The following FBN2 variants were observed in gnomAD, a reference collection of about 807,000 sequenced individuals.
FBN2 encodes the protein fibrillin-2.
FBN2 carries 105 observed loss-of-function variants against 355.6 expected under a neutral mutation model. The ratio of observed to expected loss-of-function variants is 0.30; its 90% CI spans 0.25 to 0.35. The LOEUF is 0.35. Among genes scored for constraint, FBN2 ranks in the 10% least tolerant of loss-of-function variants. The pLI, the probability that FBN2 is intolerant of heterozygous loss-of-function variation, is 1.00. For synonymous variants in FBN2, 1,350 were observed against 1,301.2 expected, an observed-to-expected ratio of 1.04 and a Z score of -0.81; for missense variants, 3,280 against 3,758.7, an observed-to-expected ratio of 0.87 and a Z score of 3.33.
intron 5 of FBN2, among the ~76,000 whole-genome samples, chr5:128,475,338 A>C (rs1754981327): frequency 6.6e-6 from 1 of 152,164 alleles, no homozygotes; most frequent in Non-Finnish European, 1.5e-5. Context: ...TCACAGACAA[A>C]AATTAAAAGA....
At chr5:128,401,088 A>G (rs141773782) in intron 8 of FBN2, among the ~76,000 whole-genome samples, 1,883 of 152,284 alleles carry the variant, frequency 0.012, 12 homozygotes, top group Non-Finnish European at 0.02. Context: ...GTGGAACTGT[A>G]AGTCCAATTA....
intron 5 of FBN2, 116 bp downstream of exon 5, chr5:128,519,157 A>G: frequency 3.9e-6 from 3 of 775,406 alleles, no homozygotes; most frequent in Non-Finnish European, 6.7e-6. Flanking sequence ...AGACATAATC[A>G]AAGAAGAGTA....
chr5:128,270,515 C>T (rs1273825368), intron 62 of FBN2, among the ~76,000 whole-genome samples: 2 of 152,110 alleles, frequency 1.3e-5, no homozygotes, highest in Non-Finnish European at 2.9e-5. Context: ...GGCAACAGGG[C>T]GAGAGTCCGT....
At chr5:128,423,002 G>C (rs1455364758) in intron 7 of FBN2, among the ~76,000 whole-genome samples, 1 of 152,126 alleles carries the variant, frequency 6.6e-6, no homozygotes, top group East Asian at 1.9e-4. Context: ...AAACTAGTTG[G>C]ACTCCTTCTC....
At chr5:128,512,183 G>GTC (rs1321266486) in intron 5 of FBN2, among the ~76,000 whole-genome samples, 2 of 152,140 alleles carry the variant, frequency 1.3e-5, no homozygotes, top group Non-Finnish European at 2.9e-5. Flanking sequence ...TCCTGAAACA[G>GTC]TCTCTCTCTC....
At position 128,330,557 on chromosome 5, in the gene FBN2, C is replaced by A. The variant is rs2126888914; in HGVS notation, c.4345+16G>T. On this transcript the variant is annotated intron_variant, in intron 33 of 64. Transcript: ENST00000262464. ...ATGACCATCCCGTCAGAGCACACCT[C>A]AGGACTGTCACCCACCTGAGCAGGT... is the stretch of plus-strand genomic sequence containing the variant. 1.2e-6 allele frequency: 2 copies of A among 1,613,970 alleles called. No homozygotes were observed. Among genetic ancestry groups the A allele is most frequent in the East Asian group, 4.5e-5 (2 of 44,880 alleles).
intron 23 of FBN2, among the ~76,000 whole-genome samples, chr5:128,346,421 T>C (rs1751183513): frequency 6.6e-6 from 1 of 152,206 alleles, no homozygotes; most frequent in Non-Finnish European, 1.5e-5. Flanking sequence ...GATAAGAACA[T>C]TTTAAGACAT....
intron 11 of FBN2, among the ~76,000 whole-genome samples, chr5:128,390,500 GA>G (rs1293797408): frequency 6.6e-6 from 1 of 152,060 alleles, no homozygotes; most frequent in Non-Finnish European, 1.5e-5. Context: ...CAGGGTATTT[GA>G]AAAAGACATT....
At position 128,364,779 on chromosome 5, in the gene FBN2, G is replaced by A. The variant is rs975300470; in HGVS notation, c.2303-54C>T. The A allele has an allele frequency of 1.2e-5, 18 of 1,477,012 alleles. No homozygotes were observed. The South Asian group carries it at 1.7e-4, about 14-fold the overall frequency. 91.5% of individuals were successfully genotyped at this position (1,477,012 alleles called of 1,614,324 possible). The stretch of plus-strand genomic sequence containing the variant: ...ATCAACAAACATGTTATTGTTTGTT[G>A]ATAAATGCAGGTCTAGTAAAGACCA... On this transcript the variant is annotated intron_variant, in intron 17 of 64. Transcript: ENST00000262464.
intron 11 of FBN2, among the ~76,000 whole-genome samples, chr5:128,382,716 T>C (rs1003124637): frequency 2.6e-5 from 4 of 152,146 alleles, no homozygotes; most frequent in African/African-American, 7.2e-5. Flanking sequence ...TGTAGTTTTC[T>C]ACTCTTTGAC....
chr5:128,402,793 C>G (rs1018550289), intron 8 of FBN2, among the ~76,000 whole-genome samples: 1 of 152,216 alleles, frequency 6.6e-6, no homozygotes, highest in Non-Finnish European at 1.5e-5. Context: ...CTTTGATGGT[C>G]TGGTTCCAGC....
intron 15 of FBN2, among the ~76,000 whole-genome samples, chr5:128,369,899 T>C (rs918384379): frequency 1.3e-5 from 2 of 152,178 alleles, no homozygotes; most frequent in Middle Eastern, 3.2e-3. Context: ...AACTACCATA[T>C]GTGCTCTTGG....
chr5:128,283,386 C>T (rs1749039974), intron 55 of FBN2, among the ~76,000 whole-genome samples: 1 of 152,198 alleles, frequency 6.6e-6, no homozygotes, highest in African/African-American at 2.4e-5. Flanking sequence ...CCACTGAAAC[C>T]TCCTGAAGAA....
Position 128,478,261 on chromosome 5 carries a change from A to G in FBN2, c.629-13340T>C, listed in dbSNP as rs540790912. On this transcript the variant is annotated intron_variant, in intron 5 of 64. Transcript: ENST00000262464. The stretch of plus-strand genomic sequence containing the variant: ...CTAAGAAGCCAGACACACACTACCT[A>G]TGGAAGGTAAACTCTAATTGTTCAA... Among the ~76,000 whole-genome samples the G allele has an allele frequency of 4.6e-5, 7 of 152,334 alleles. No individual in the cohort carries two copies. The South Asian group carries it at 1.4e-3, about 32-fold the overall frequency.
intron 6 of FBN2, among the ~76,000 whole-genome samples, chr5:128,459,977 G>A (rs1219936642): frequency 6.6e-6 from 1 of 152,122 alleles, no homozygotes; most frequent in Non-Finnish European, 1.5e-5. Context: ...AATCAGGCAA[G>A]AGAAAGAAAT....
intron 33 of FBN2, among the ~76,000 whole-genome samples, chr5:128,330,361 C>A (rs150605546): frequency 6.6e-6 from 1 of 152,024 alleles, no homozygotes; most frequent in Non-Finnish European, 1.5e-5. Flanking sequence ...GTTACAAATG[C>A]CGTTATTTGA....
intron 8 of FBN2, among the ~76,000 whole-genome samples, chr5:128,396,401 A>G (rs1752651861): frequency 6.6e-6 from 1 of 152,208 alleles, no homozygotes. Flanking sequence ...AGACAGTTTC[A>G]AGAACTAGGG....
chr5:128,387,919 T>TCTGTCTAATA (rs1331795747), intron 11 of FBN2, among the ~76,000 whole-genome samples: 1 of 152,178 alleles, frequency 6.6e-6, no homozygotes, highest in Admixed American at 6.6e-5. Flanking sequence ...GCCTTGATGA[T>TCTGTCTAATA]CTGTCTAATA....
At chr5:128,460,213 T>C (rs770237437) in intron 6 of FBN2, among the ~76,000 whole-genome samples, 16 of 151,978 alleles carry the variant, frequency 1.1e-4, no homozygotes, top group African/African-American at 2.4e-4. Flanking sequence ...CCATCAATAA[T>C]AGACAAACAG....
Sources: gnomAD v4.1 joint callset for allele counts (sites outside exome capture counted in the v4.1 genomes callset) on GRCh38, gnomAD v4.1.1 for gene constraint, MANE v1.5 for transcripts, NCBI Gene and HGNC (gene_info 2026-07-23, HGNC 2026-07-21) for gene names.